ADK: variants seen among roughly 807,000 people sequenced by gnomAD.
ADK encodes N6,N6-dimethyladenosine kinase.
A neutral mutation model predicts 44.7 loss-of-function variants in ADK; 24 were observed. That is an observed-to-expected ratio of 0.54 (90% CI 0.39 to 0.76). ADK has a LOEUF of 0.76. ADK is among the 30% of genes least tolerant of loss of function. The pLI is 0.00. For synonymous variants in ADK, 128 were observed against 142.6 expected (o/e 0.90, Z 0.73); for missense variants, 321 against 425.1 (o/e 0.76, Z 2.15).
intron 9 of ADK, among the ~76,000 whole-genome samples, chr10:74,629,318 T>G (rs953712864): frequency 6.6e-6 from 1 of 152,134 alleles, no homozygotes. Flanking sequence ...GGCACCCTAT[T>G]CTTGATTTTT....
chr10:74,551,968 T>C (rs1850048800), intron 7 of ADK, among the ~76,000 whole-genome samples: 1 of 152,132 alleles, frequency 6.6e-6, no homozygotes, highest in Non-Finnish European at 1.5e-5. Context: ...TAATACCTGA[T>C]ACAATGTAAA....
intron 6 of ADK, among the ~76,000 whole-genome samples, chr10:74,520,282 T>G (rs1848755637): frequency 6.6e-6 from 1 of 152,002 alleles, no homozygotes. Context: ...CCCTATTATA[T>G]TCTGATCAGA....
chr10:74,205,608 G>A (rs1321537563), intron 2 of ADK, among the ~76,000 whole-genome samples: 8 of 150,632 alleles, frequency 5.3e-5, no homozygotes, highest in African/African-American at 2.0e-4. Context: ...CCTGGGAGGC[G>A]GAGGTTGCAG....
intron 7 of ADK, among the ~76,000 whole-genome samples, chr10:74,545,189 C>T (rs1043342691): frequency 3.3e-5 from 5 of 152,164 alleles, no homozygotes; most frequent in African/African-American, 1.2e-4. Flanking sequence ...CTGTGTCAGA[C>T]ATTGCACTCT....
chr10:74,225,342 T>C (rs1024805794), intron 3 of ADK, among the ~76,000 whole-genome samples: 1 of 152,110 alleles, frequency 6.6e-6, no homozygotes, highest in African/African-American at 2.4e-5. Context: ...CCTCCCAAAG[T>C]GCTGGGATTA....
chr10:74,230,094 G>A (rs1027010971), intron 3 of ADK, among the ~76,000 whole-genome samples: 4 of 129,970 alleles, frequency 3.1e-5, no homozygotes, highest in African/African-American at 1.2e-4. Context: ...CTGGATATCT[G>A]TAAAGCTAAT....
intron 1 of ADK, among the ~76,000 whole-genome samples, chr10:74,180,903 G>C (rs965781225): frequency 6.6e-6 from 1 of 152,208 alleles, no homozygotes; most frequent in Non-Finnish European, 1.5e-5. Context: ...CTCAGTAGCA[G>C]AGATACTAAT....
At chr10:74,180,531 T>C (rs545316775) in intron 1 of ADK, among the ~76,000 whole-genome samples, 1 of 145,518 alleles carries the variant, frequency 6.9e-6, no homozygotes, top group Admixed American at 7.2e-5. Context: ...GCGATCCGGC[T>C]CACTTGAAGC....
intron 6 of ADK, among the ~76,000 whole-genome samples, chr10:74,497,975 C>T (rs553780277): frequency 6.6e-5 from 10 of 152,152 alleles, no homozygotes; most frequent in African/African-American, 1.7e-4. Flanking sequence ...CTGCAAGCTC[C>T]GCCTCCCGGG....
chr10:74,151,806 G>A (rs916109890), intron 1 of ADK, among the ~76,000 whole-genome samples: 6 of 152,170 alleles, frequency 3.9e-5, no homozygotes, highest in African/African-American at 7.2e-5. Flanking sequence ...CTTCCTTTTC[G>A]TGCACATTCT....
At chr10:74,436,652 T>G (rs1199982727) in intron 6 of ADK, among the ~76,000 whole-genome samples, 3 of 152,128 alleles carry the variant, frequency 2.0e-5, no homozygotes, top group Non-Finnish European at 2.9e-5. Flanking sequence ...GCCAACTAAT[T>G]GGTGAAAAGA....
chr10:74,625,190 A>G (rs1054866069), intron 9 of ADK, among the ~76,000 whole-genome samples: 5 of 152,174 alleles, frequency 3.3e-5, no homozygotes, highest in African/African-American at 4.8e-5. Context: ...ATTTTTATAG[A>G]ACAAATGGAA....
chr10:74,240,014 CTT>C (rs11285474), intron 3 of ADK, among the ~76,000 whole-genome samples: 11 of 145,214 alleles, frequency 7.6e-5, no homozygotes, highest in South Asian at 2.2e-4. Context: ...CTTTGCACAG[CTT>C]TTTTTTTTTT....
chr10:74,162,080 G>A (rs1841915441), intron 1 of ADK, among the ~76,000 whole-genome samples: 1 of 152,054 alleles, frequency 6.6e-6, no homozygotes, highest in South Asian at 2.1e-4. Flanking sequence ...GAGTGTAGTG[G>A]CACGATCTTG....
chr10:74,695,049 G>C (rs763312034), intron 10 of ADK, among the ~76,000 whole-genome samples: 3 of 151,692 alleles, frequency 2.0e-5, no homozygotes, highest in Non-Finnish European at 2.9e-5. Context: ...TTTTCCCCAT[G>C]AATTTGCAAT....
chr10:74,459,522 A>G (rs1846083300), intron 6 of ADK, among the ~76,000 whole-genome samples: 1 of 151,942 alleles, frequency 6.6e-6, no homozygotes, highest in Non-Finnish European at 1.5e-5. Flanking sequence ...CGAGGTCAAG[A>G]GATCGAGACC....
At chr10:74,490,383 A>G (rs561910496) in intron 6 of ADK, among the ~76,000 whole-genome samples, 2 of 152,238 alleles carry the variant, frequency 1.3e-5, no homozygotes, top group Non-Finnish European at 2.9e-5. Flanking sequence ...GAATATTGCC[A>G]AGGATTTACC....
intron 3 of ADK, among the ~76,000 whole-genome samples, chr10:74,284,959 G>A (rs558953395): frequency 1.1e-4 from 16 of 152,282 alleles, no homozygotes; most frequent in South Asian, 8.3e-4. Flanking sequence ...GAATATTAGG[G>A]TGCTTACTTT....
intron 10 of ADK, among the ~76,000 whole-genome samples, chr10:74,676,232 T>A (rs922252089): frequency 1.3e-5 from 2 of 151,892 alleles, no homozygotes; most frequent in East Asian, 1.9e-4. Flanking sequence ...CAGGTTCAAG[T>A]GATTCTCCTG....
Sources: gnomAD v4.1 joint callset for allele counts (sites outside exome capture counted in the v4.1 genomes callset) on GRCh38, gnomAD v4.1.1 for gene constraint, MANE v1.5 for transcripts, NCBI Gene and HGNC (gene_info 2026-07-23, HGNC 2026-07-21) for gene names.